The following GPHN variants were observed in gnomAD, a reference collection of about 807,000 sequenced individuals.
GPHN encodes gephyrin.
A neutral mutation model predicts 95.5 loss-of-function variants in GPHN; 17 were observed. The observed-to-expected ratio is 0.18, with a 90% CI of 0.12 to 0.27. GPHN has a LOEUF of 0.27. Among genes scored for constraint, GPHN ranks in the 10% least tolerant of loss-of-function variants. GPHN has a pLI of 1.00. For missense variants in GPHN, 660 were observed against 978.1 expected, an observed-to-expected ratio of 0.67 and a Z score of 4.34; for synonymous variants, 320 against 322.5, an observed-to-expected ratio of 0.99 and a Z score of 0.08.
the GPHN span, among the ~76,000 whole-genome samples, chr14:67,569,370 C>T: frequency 6.8e-6 from 1 of 146,246 alleles, no homozygotes; most frequent in East Asian, 1.9e-4. Flanking sequence ...GAAATCACAG[C>T]AAGTCCCACC....
chr14:66,972,418 T>C lies in GPHN; in HGVS notation c.963+7093T>C, dbSNP rs548241816. Among the ~76,000 whole-genome samples the C allele has an allele frequency of 4.6e-5, 7 of 152,116 alleles. No homozygotes were observed. In the South Asian group the frequency reaches 1.5e-3, roughly 32 times the overall value. On this transcript the variant is annotated intron_variant, in intron 9 of 22. Coordinates refer to ENST00000478722, the MANE Select transcript of GPHN (RefSeq NM_020806.5). ...AACATCTAAGTCTGAATAATAATAA[T>C]TTATTAGTTATTTCATTCTTTCAAG...
At chr14:66,881,672 A>G (rs1178809941) in intron 5 of GPHN, among the ~76,000 whole-genome samples, 1 of 151,906 alleles carries the variant, frequency 6.6e-6, no homozygotes, top group Non-Finnish European at 1.5e-5. Flanking sequence ...TTGATCCAGT[A>G]TAGAAATATC....
chr14:67,025,843 A>G (rs2073896843), intron 10 of GPHN, among the ~76,000 whole-genome samples: 1 of 151,998 alleles, frequency 6.6e-6, no homozygotes, highest in Non-Finnish European at 1.5e-5. Flanking sequence ...TAGAAACTGA[A>G]CCTCTTTCGT....
the GPHN span, among the ~76,000 whole-genome samples, chr14:67,644,275 T>G: frequency 6.6e-6 from 1 of 152,240 alleles, no homozygotes; most frequent in Non-Finnish European, 1.5e-5. Context: ...ATTACTACTT[T>G]AATCATCAAA....
intron 11 of GPHN, among the ~76,000 whole-genome samples, chr14:67,070,089 A>G (rs1031901915): frequency 2.0e-5 from 3 of 152,090 alleles, no homozygotes; most frequent in African/African-American, 7.2e-5. Context: ...AAACTCATTC[A>G]TAATTCCCTT....
intron 21 of GPHN, among the ~76,000 whole-genome samples, chr14:67,170,457 TATAAG>T (rs1233454109): frequency 6.6e-6 from 1 of 152,218 alleles, no homozygotes; most frequent in Non-Finnish European, 1.5e-5. Context: ...TTCACATTAT[TATAAG>T]AGAGAGAGAA....
the GPHN span, chr14:67,722,372 G>T: frequency 3.6e-6 from 2 of 553,390 alleles, no homozygotes; most frequent in Non-Finnish European, 3.2e-6. Context: ...CATTCTCTTT[G>T]CCAGTAAACC....
the GPHN span, among the ~76,000 whole-genome samples, chr14:67,430,827 C>A: frequency 1.3e-5 from 2 of 152,108 alleles, no homozygotes; most frequent in Non-Finnish European, 1.5e-5. Context: ...CATTCTGATC[C>A]CCTGAGGATT....
chr14:67,093,644 CAATT>C (rs1004026310), intron 12 of GPHN, among the ~76,000 whole-genome samples: 1 of 151,998 alleles, frequency 6.6e-6, no homozygotes, highest in African/African-American at 2.4e-5. Context: ...CCAATACTAA[CAATT>C]AATAGGCATT....
At chr14:67,193,353 G>T in the GPHN span, among the ~76,000 whole-genome samples, 5 of 126,608 alleles carry the variant, frequency 3.9e-5, no homozygotes, top group African/African-American at 1.4e-4. Flanking sequence ...TATCTATATA[G>T]AGATATATAA....
the GPHN span, among the ~76,000 whole-genome samples, chr14:67,639,972 T>G: frequency 6.6e-6 from 1 of 151,330 alleles, no homozygotes; most frequent in Non-Finnish European, 1.5e-5. Context: ...CAGGATTGTG[T>G]TGTCAACAGA....
intron 4 of GPHN, among the ~76,000 whole-genome samples, chr14:66,828,380 C>T (rs763935554): frequency 1.3e-5 from 2 of 151,844 alleles, no homozygotes; most frequent in Admixed American, 6.6e-5. Flanking sequence ...ATATAATCCT[C>T]GCTGAATTAT....
intron 11 of GPHN, among the ~76,000 whole-genome samples, chr14:67,082,398 C>T (rs2076726584): frequency 6.6e-6 from 1 of 151,970 alleles, no homozygotes; most frequent in Non-Finnish European, 1.5e-5. Context: ...CTGTCCTTTC[C>T]CCATTGAGTG....
chr14:66,684,259 G>A (rs1028198392), intron 2 of GPHN, among the ~76,000 whole-genome samples: 1 of 152,088 alleles, frequency 6.6e-6, no homozygotes, highest in African/African-American at 2.4e-5. Context: ...CAGAATAATA[G>A]AGCAAGAAAA....
At chr14:66,627,482 T>G (rs1180828295) in intron 1 of GPHN, among the ~76,000 whole-genome samples, 1 of 152,092 alleles carries the variant, frequency 6.6e-6, no homozygotes, top group Non-Finnish European at 1.5e-5. Flanking sequence ...TATTAATTCC[T>G]CTATTGCTTG....
chr14:67,547,234 G>A, the GPHN span, among the ~76,000 whole-genome samples: 1 of 152,164 alleles, frequency 6.6e-6, no homozygotes, highest in African/African-American at 2.4e-5. Context: ...CTGGACTAGG[G>A]ACCATGGGGT....
At chr14:67,226,757 T>G in the GPHN span, among the ~76,000 whole-genome samples, 1 of 152,170 alleles carries the variant, frequency 6.6e-6, no homozygotes, top group Non-Finnish European at 1.5e-5. Flanking sequence ...ACAACAAATG[T>G]CCACACTCCA....
At chr14:67,209,244 A>G in the GPHN span, among the ~76,000 whole-genome samples, 1 of 152,178 alleles carries the variant, frequency 6.6e-6, no homozygotes, top group African/African-American at 2.4e-5. Flanking sequence ...CTAGTGGGGG[A>G]CACAGATAAT....
At chr14:67,312,529 C>T in the GPHN span, 2 of 1,560,318 alleles carry the variant, frequency 1.3e-6, no homozygotes, top group Non-Finnish European at 1.7e-6. Context: ...TCTTTTAGAT[C>T]CATGTAAAAG....
Sources: gnomAD v4.1 joint callset for allele counts (sites outside exome capture counted in the v4.1 genomes callset) on GRCh38, gnomAD v4.1.1 for gene constraint, MANE v1.5 for transcripts, NCBI Gene and HGNC (gene_info 2026-07-23, HGNC 2026-07-21) for gene names.